CD34: variants seen among roughly 807,000 people sequenced by gnomAD.
CD34 encodes the protein CD34 molecule, also known as hematopoietic progenitor cell antigen CD34.
Under a neutral mutation model 40.1 loss-of-function variants are expected in CD34, and 34 were observed. That is an observed-to-expected ratio of 0.85 (90% CI 0.65 to 1.13). CD34 has a LOEUF of 1.13. Among genes scored for constraint, CD34 ranks in the 50% most tolerant of loss-of-function variants. CD34 has a pLI of 0.00. For synonymous variants in CD34, 209 were observed against 190.0 expected, an observed-to-expected ratio of 1.10 and a Z score of -0.82; for missense variants, 426 against 466.9, an observed-to-expected ratio of 0.91 and a Z score of 0.81.
intron 4 of CD34, among the ~76,000 whole-genome samples, chr1:207,894,255 T>C (rs971816371): frequency 2.0e-5 from 3 of 152,208 alleles, no homozygotes; most frequent in African/African-American, 7.2e-5. Flanking sequence ...TGCTACAACA[T>C]GGTTGGACTT....
rs1000112813 is a variant in CD34 at position 207,883,282 on chromosome 1, G to A, written c.*4456C>T. ...ATGTACTCTTCTATCAGTCTCAAAT[G>A]TCCTTACTCATTACTATCATCAAAA... On this transcript the variant is annotated 3_prime_UTR_variant, in exon 8 of 8. Transcript: ENST00000310833. 2 of 152,092 alleles carry A rather than the reference G, an allele frequency of 1.3e-5. No homozygotes were observed. The highest frequency in any genetic ancestry group is 4.8e-5 in the African/African-American group (2 of 41,410). 9.4% of individuals were successfully genotyped at this position (152,092 alleles called of 1,614,324 possible). A position where few individuals can be genotyped will look rare whatever the true frequency, so the allele number is the denominator to read the frequency against.
At chr1:207,898,883 G>T in intron 3 of CD34, 90 bp downstream of exon 3, 1 of 1,358,604 alleles carries the variant, frequency 7.4e-7, no homozygotes, top group Non-Finnish European at 1.0e-6. Context: ...CACTGGCAGG[G>T]ATGAGGAGAG....
chr1:207,894,788 G>A (rs769113663), intron 4 of CD34, among the ~76,000 whole-genome samples: 90 of 152,070 alleles, frequency 5.9e-4, no homozygotes, highest in Non-Finnish European at 1.1e-3. Flanking sequence ...CCTTCCCCTG[G>A]CTGCCTAGAG....
Position 207,889,722 on chromosome 1 carries a change from G to T in CD34, c.598-101C>A, listed in dbSNP as rs2179634. The T allele has an allele frequency of 3.8e-6, 6 of 1,595,122 alleles. No homozygotes were observed. In the African/African-American group the frequency reaches 4.1e-5, roughly 11 times the overall value. ...TTACAGTCATACTCTTACCCCGTCC[G>T]CAAGAAGGATCCTTGTTTCTAAAAT... On this transcript the variant is annotated intron_variant, in intron 4 of 7. Coordinates refer to ENST00000310833, the MANE Select transcript of CD34 (RefSeq NM_001025109.2).
At chr1:207,889,685 CAG>C in intron 4 of CD34, 64 bp from the exon 5 acceptor site, 1 of 1,609,092 alleles carries the variant, frequency 6.2e-7, no homozygotes, top group Non-Finnish European at 8.5e-7. Flanking sequence ...AAACTGCACC[CAG>C]AGTCTCTGAT....
At chr1:207,900,113 G>A (rs780053164) in intron 1 of CD34, 110 bp from the exon 2 acceptor site, 9 of 792,936 alleles carry the variant, frequency 1.1e-5, no homozygotes, top group African/African-American at 1.8e-5. Context: ...ATTCCCTGCT[G>A]CCCCTTGTTG....
At chr1:207,898,031 T>TTTTG (rs149255063) in intron 3 of CD34, among the ~76,000 whole-genome samples, 1 of 143,378 alleles carries the variant, frequency 7.0e-6, no homozygotes, top group East Asian at 2.0e-4. Flanking sequence ...ATTTTGGCTC[T>TTTTG]TTTATTTATT....
At chr1:207,889,946 A>C (rs1364066881) in intron 4 of CD34, 3 of 1,477,172 alleles carry the variant, frequency 2.0e-6, no homozygotes, top group Non-Finnish European at 2.7e-6. Context: ...GGCCAAAAAC[A>C]GAAAATATTA....
intron 4 of CD34, among the ~76,000 whole-genome samples, chr1:207,895,171 G>A (rs370830950): frequency 2.6e-5 from 4 of 152,132 alleles, no homozygotes; most frequent in African/African-American, 7.2e-5. Context: ...TGCAGCATTC[G>A]CAGCTTTTGG....
chr1:207,883,601 A>C lies in CD34; in HGVS notation c.*4137T>G. ...AGTCCCTTGTTATTCTCTGAGTTTC[A>C]GTTTCTTTTTCTGAGATAATAGAAC... On this transcript the variant is annotated 3_prime_UTR_variant, in exon 8 of 8. Coordinates refer to ENST00000310833, the MANE Select transcript of CD34 (RefSeq NM_001025109.2). 6.6e-6 allele frequency: 1 copy of C among 152,258 alleles called. No individual in the cohort carries two copies. The highest frequency in any genetic ancestry group is 1.9e-4 in the East Asian group (1 of 5,184). 9.4% of individuals were successfully genotyped at this position (152,258 alleles called of 1,614,324 possible).
At position 207,889,158 on chromosome 1, in the gene CD34, T is replaced by A. The variant is rs374177188; in HGVS notation, c.807+3A>T. 5 of 1,551,432 alleles carry A rather than the reference T, an allele frequency of 3.2e-6. No homozygotes were observed. Among genetic ancestry groups the A allele is most frequent in the African/African-American group, 1.4e-5 (1 of 73,750 alleles). On this transcript the variant is annotated splice_donor_region_variant and intron_variant, in intron 6 of 7. Transcript: ENST00000310833. ...CTCAGGCCCATCATCTCAGAGGACT[T>A]ACCTTTTTCAGGTCAGATTGGTGCT... is the stretch of plus-strand genomic sequence containing the variant.
At chr1:207,905,395 C>T (rs1031205453) in intron 1 of CD34, among the ~76,000 whole-genome samples, 4 of 152,196 alleles carry the variant, frequency 2.6e-5, no homozygotes, top group Admixed American at 6.5e-5. Flanking sequence ...CTCGGCCTCC[C>T]GAAGTGCTGG....
At chr1:207,909,949 G>C (rs1448749977) in intron 1 of CD34, among the ~76,000 whole-genome samples, 3 of 152,182 alleles carry the variant, frequency 2.0e-5, no homozygotes, top group Non-Finnish European at 2.9e-5. Flanking sequence ...GGCCACAGTG[G>C]GTGGCCCTTA....
Position 207,881,864 on chromosome 1 carries a change from A to G in CD34, c.*5874T>C, listed in dbSNP as rs921427266. On this transcript the variant is annotated 3_prime_UTR_variant, in exon 8 of 8. Transcript: ENST00000310833. The stretch of plus-strand genomic sequence containing the variant: ...ATTTTTAAACAAATTAATAAATAAA[A>G]TTTTCTCAATTTTAATTTTTGAAAC... 5 of 152,304 alleles carry G rather than the reference A, an allele frequency of 3.3e-5. No individual in the cohort carries two copies. Among genetic ancestry groups the G allele is most frequent in the Non-Finnish European group, 5.9e-5 (4 of 68,032 alleles). The allele number at this position is 152,304 out of a possible 1,614,324, so 9.4% of individuals were successfully genotyped here. A position where few individuals can be genotyped will look rare whatever the true frequency, so the allele number is the denominator to read the frequency against.
Position 207,887,904 on chromosome 1 carries a change from G to A in CD34, c.992C>T (p.Thr331Met), listed in dbSNP as rs371127878. Residue 331 changes from threonine to methionine, a missense_variant, in exon 8 of 8, where the codon ACG (threonine) becomes ATG (methionine). Coordinates refer to ENST00000310833, the MANE Select transcript of CD34 (RefSeq NM_001025109.2). Reference sequence around the variant, plus strand: ...ATAGCCCTGGCCTCCACCGTTTTCCGTGTAATAAGGGTCTTCGCCCTAGAC... The same window carrying A: ...ATAGCCCTGGCCTCCACCGTTTTCCATGTAATAAGGGTCTTCGCCCTAGAC... ...GERLGEDPYY[T>M]ENGGGQGYSS... 21 of 1,613,860 alleles carry A rather than the reference G, an allele frequency of 1.3e-5. No homozygotes were observed. The highest frequency in any genetic ancestry group is 1.6e-4 in the Middle Eastern group (1 of 6,082).
intron 7 of CD34, 193 bp from the exon 8 acceptor site, chr1:207,888,116 C>A (rs777609626): frequency 6.2e-7 from 1 of 1,613,854 alleles, no homozygotes; most frequent in African/African-American, 1.3e-5. Context: ...AGGGTTCCAG[C>A]TCCTAGAGGA....
rs1340348810 is a variant in CD34, at chr1:207,883,224, A to G, written c.*4514T>C. The G allele has an allele frequency of 6.6e-6, 1 of 152,228 alleles. No homozygotes were observed. Among genetic ancestry groups the G allele is most frequent in the Admixed American group, 6.5e-5 (1 of 15,286 alleles). 9.4% of individuals were successfully genotyped at this position (152,228 alleles called of 1,614,324 possible). On this transcript the variant is annotated 3_prime_UTR_variant, in exon 8 of 8. Coordinates refer to ENST00000310833, the MANE Select transcript of CD34 (RefSeq NM_001025109.2). ...ACCAGAAAACACATTGTCCTTTGACAGTACCTTATCTTTCCCCATCACTAC... is the reference window on the plus strand; with the variant it reads ...ACCAGAAAACACATTGTCCTTTGACGGTACCTTATCTTTCCCCATCACTAC...
At chr1:207,905,533 G>A (rs1323699726) in intron 1 of CD34, among the ~76,000 whole-genome samples, 6 of 152,148 alleles carry the variant, frequency 3.9e-5, no homozygotes, top group African/African-American at 1.4e-4. Flanking sequence ...TTACTCTCTG[G>A]CCCTTTATAG....
At position 207,881,870 on chromosome 1, in the gene CD34, TC is replaced by T. The variant is rs1157400038; in HGVS notation, c.*5867del. ...AAACAAATTAATAAATAAAATTTTC[TC>T]AATTTTAATTTTTGAAACAGTAATA... On this transcript the variant is annotated 3_prime_UTR_variant, in exon 8 of 8. Coordinates refer to ENST00000310833, the MANE Select transcript of CD34 (RefSeq NM_001025109.2). 3 of 152,228 alleles carry T rather than the reference TC, an allele frequency of 2.0e-5. No homozygotes were observed. The highest frequency in any genetic ancestry group is 7.2e-5 in the African/African-American group (3 of 41,462). 9.4% of individuals were successfully genotyped at this position (152,228 alleles called of 1,614,324 possible).
Sources: gnomAD v4.1 joint callset for allele counts (sites outside exome capture counted in the v4.1 genomes callset) on GRCh38, gnomAD v4.1.1 for gene constraint, MANE v1.5 for transcripts, NCBI Gene and HGNC (gene_info 2026-07-23, HGNC 2026-07-21) for gene names.